RIOK3: variants seen among roughly 807,000 people sequenced by gnomAD.
The protein encoded by RIOK3 is serine/threonine-protein kinase RIO3.
Under a neutral mutation model 63.5 loss-of-function variants are expected in RIOK3, and 40 were observed. The ratio of observed to expected loss-of-function variants is 0.63; its 90% CI spans 0.49 to 0.82. RIOK3 has a LOEUF of 0.82. Ranked by LOEUF, RIOK3 falls within the 40% of genes least tolerant of loss-of-function variation. The probability of loss-of-function intolerance (pLI) is 0.00; values close to 1 mark genes in which losing one functional copy is unlikely to be tolerated. For synonymous variants in RIOK3, 193 were observed against 205.0 expected (o/e 0.94, Z 0.50); for missense variants, 557 against 637.0 (o/e 0.87, Z 1.35).
At position 23,473,506 on chromosome 18, in the gene RIOK3, A is replaced by G; in HGVS notation, c.893A>G (p.Glu298Gly). The G allele has an allele frequency of 6.2e-7, 1 of 1,612,242 alleles. No individual in the cohort carries two copies. Among genetic ancestry groups the G allele is most frequent in the Non-Finnish European group, 8.5e-7 (1 of 1,178,460 alleles). Reference sequence around the variant, plus strand: ...AAGGTATTTAAAACAACCCTTAATGAATTTAAGAATCGTGACAAATATATT... The same window carrying G: ...AAGGTATTTAAAACAACCCTTAATGGATTTAAGAATCGTGACAAATATATT... ...AIKVFKTTLN[E>G]FKNRDKYIKD... is the part of the protein sequence containing the mutation. Residue 298 changes from glutamate to glycine, a missense_variant, in exon 8 of 13, where the codon GAA becomes GGA. By Grantham distance (98) the Glu-to-Gly change is moderately conservative (BLOSUM62 -2). Around this residue, in one of 3 missense-constraint regions of RIOK3, gnomAD observed 309 missense variants for 338.7 expected, o/e 0.91. Coordinates refer to ENST00000339486, the MANE Select transcript of RIOK3 (RefSeq NM_003831.5).
chr18:23,464,507 A>T lies in RIOK3; in HGVS notation c.434-12A>T, dbSNP rs1019402233. 1 of 1,557,410 alleles carries T rather than the reference A, an allele frequency of 6.4e-7. No homozygotes were observed. Among genetic ancestry groups the T allele is most frequent in the Non-Finnish European group, 8.7e-7 (1 of 1,144,170 alleles). On this transcript the variant is annotated splice_polypyrimidine_tract_variant and intron_variant, in intron 4 of 12. Transcript: ENST00000339486. ...TATTTTTATATACCTGGCTTATTTC[A>T]ATTGCCTTTAGCAAAACCGGTTCCC...
Position 23,453,317 on chromosome 18 carries a change from C to T in RIOK3, c.-123C>T, listed in dbSNP as rs997366503. Reference sequence around the variant, plus strand: ...CGGACGCGGCCGCCGCCGTCGCCGCCATCTGTCACCTCCACTCCGGCATCA... The same window carrying T: ...CGGACGCGGCCGCCGCCGTCGCCGCTATCTGTCACCTCCACTCCGGCATCA... On this transcript the variant is annotated 5_prime_UTR_variant, in exon 1 of 13. Coordinates refer to ENST00000339486, the MANE Select transcript of RIOK3 (RefSeq NM_003831.5). 5.0e-6 allele frequency: 4 copies of T among 804,222 alleles called. No homozygotes were observed. Among genetic ancestry groups the T allele is most frequent in the Non-Finnish European group, 8.5e-6 (4 of 469,326 alleles). The allele number at this position is 804,222 out of a possible 1,614,324, so 49.8% of individuals were successfully genotyped here.
In RIOK3 at chr18:23,471,541, G is replaced by A. The variant is rs115389517; in HGVS notation, c.816-1888G>A. ...TGATTCTTATTTTCAAAAGATTGCT[G>A]TGTGGAAAATGAATTATAGGAGGAG... On this transcript the variant is annotated intron_variant, in intron 7 of 12. Coordinates refer to ENST00000339486, the MANE Select transcript of RIOK3 (RefSeq NM_003831.5). Among the ~76,000 whole-genome samples, 1,519 of 152,310 alleles carry A rather than the reference G, an allele frequency of 1.0e-2. 18 individuals are homozygous for A. Among genetic ancestry groups the A allele is most frequent in the African/African-American group, 0.035 (1,452 of 41,566 alleles).
intron 1 of RIOK3, among the ~76,000 whole-genome samples, chr18:23,458,531 T>C (rs1191211712): frequency 1.3e-5 from 2 of 152,228 alleles, no homozygotes; most frequent in Non-Finnish European, 2.9e-5. Context: ...GAAAGGATTG[T>C]ATGGGGTGTC....
At position 23,467,443 on chromosome 18, in the gene RIOK3, G is replaced by A. The variant is rs1177150586; in HGVS notation, c.732G>A (p.Met244Ile). 6.2e-7 allele frequency: 1 copy of A among 1,612,830 alleles called. No homozygotes were observed. The highest frequency in any genetic ancestry group is 1.3e-5 in the African/African-American group (1 of 74,876). Residue 244 changes from methionine to isoleucine, a missense_variant, in exon 7 of 13, where the codon ATG becomes ATA. Coordinates refer to ENST00000339486, the MANE Select transcript of RIOK3 (RefSeq NM_003831.5). The stretch of plus-strand genomic sequence containing the variant: ...AGACACGTTTACTTATGTATAAAAT[G>A]GTCAACTCTGGAATGTTGGAGACAA... ...DPKTRLLMYK[M>I]VNSGMLETIT...
At chr18:23,474,494 AAC>A (rs1338789168) in intron 8 of RIOK3, among the ~76,000 whole-genome samples, 1 of 152,158 alleles carries the variant, frequency 6.6e-6, no homozygotes, top group East Asian at 1.9e-4. Context: ...AAAATTCTTC[AAC>A]AGTTTTCCAT....
chr18:23,453,815 G>A (rs993752066), intron 1 of RIOK3, among the ~76,000 whole-genome samples: 1 of 152,196 alleles, frequency 6.6e-6, no homozygotes, highest in Non-Finnish European at 1.5e-5. Context: ...ATACTGGAGG[G>A]GAAACAAGCA....
chr18:23,475,941 C>CTTTT (rs374984418), intron 9 of RIOK3, among the ~76,000 whole-genome samples: 5 of 80,036 alleles, frequency 6.2e-5, no homozygotes, highest in African/African-American at 1.9e-4. Flanking sequence ...TTTTTTGGGG[C>CTTTT]TTTTTTTTTT....
chr18:23,472,209 G>T (rs968698086), intron 7 of RIOK3, among the ~76,000 whole-genome samples: 3 of 151,346 alleles, frequency 2.0e-5, no homozygotes, highest in Non-Finnish European at 2.9e-5. Context: ...CTCCAGCCTG[G>T]GTGACAAAGT....
chr18:23,465,628 G>T (rs2057401675), intron 5 of RIOK3, among the ~76,000 whole-genome samples: 1 of 151,888 alleles, frequency 6.6e-6, no homozygotes, highest in Admixed American at 6.6e-5. Context: ...AATTTGGGTG[G>T]TATAATAGAG....
Position 23,462,991 on chromosome 18 carries a change from A to G in RIOK3, c.91A>G (p.Ile31Val), listed in dbSNP as rs770658209. ...TCCATGGGCTATTCCTCAAAATACA[A>G]TATCTTGTTCTTTGGCTGATGTAAT... Reference protein sequence around the residue: ...KCPWAIPQNTISCSLADVMSE... With the variant: ...KCPWAIPQNTVSCSLADVMSE... Residue 31 changes from isoleucine (I) to valine (V), a missense_variant, in exon 2 of 13, where the codon ATA becomes GTA. By Grantham distance (29) the Ile-to-Val change is conservative. This residue lies in a region of RIOK3 where 243 missense variants were observed against 275.4 expected (regional missense o/e 0.88). Coordinates refer to ENST00000339486, the MANE Select transcript of RIOK3 (RefSeq NM_003831.5). The G allele has an allele frequency of 8.1e-6, 13 of 1,597,240 alleles. No homozygotes were observed. The South Asian group carries it at 1.2e-4, about 15-fold the overall frequency.
At chr18:23,463,245 A>G in intron 2 of RIOK3, 166 bp downstream of exon 2, 1 of 523,276 alleles carries the variant, frequency 1.9e-6, no homozygotes, top group Non-Finnish European at 3.4e-6. Flanking sequence ...ATTGGTTTTC[A>G]TTATTATCTT....
In RIOK3 at chr18:23,475,005, A is replaced by C. The variant is rs761053507; in HGVS notation, c.1071A>C (p.Leu357Phe). Reference protein sequence around the residue: ...PTVVLLKKHILVMSFIGHDQV... With the variant: ...PTVVLLKKHIFVMSFIGHDQV... ...TTGTACTACTGAAGAAACACATTTT[A>C]GTTATGTCTTTTATTGGCCATGATC... is the stretch of plus-strand genomic sequence containing the variant. The change falls in exon 9 of 13, where the codon TTA (leucine) becomes TTC (phenylalanine). Residue 357 changes from leucine (L) to phenylalanine (F), a missense_variant. Leu to Phe is a conservative substitution (Grantham distance 22). Around this residue, in one of 3 missense-constraint regions of RIOK3, gnomAD observed 309 missense variants for 338.7 expected, o/e 0.91. Transcript: ENST00000339486. 6.2e-7 allele frequency: 1 copy of C among 1,611,540 alleles called. No homozygotes were observed. The highest frequency in any genetic ancestry group is 1.3e-5 in the African/African-American group (1 of 75,006).
intron 1 of RIOK3, among the ~76,000 whole-genome samples, chr18:23,459,312 G>A (rs151126479): frequency 5.8e-4 from 88 of 152,314 alleles, no homozygotes; most frequent in African/African-American, 2.0e-3. Flanking sequence ...GTAGAAAGGC[G>A]TCAGACCTCT....
chr18:23,467,375 C>T (rs772042618), intron 6 of RIOK3, 24 bp from the exon 7 acceptor site: 18 of 1,593,528 alleles, frequency 1.1e-5, no homozygotes, highest in Non-Finnish European at 1.5e-5. Context: ...GTCATTTTCA[C>T]TTACAGTGCT....
intron 11 of RIOK3, among the ~76,000 whole-genome samples, chr18:23,478,489 G>T (rs1458474358): frequency 6.6e-6 from 1 of 151,858 alleles, no homozygotes; most frequent in Non-Finnish European, 1.5e-5. Flanking sequence ...TTACTAGGGA[G>T]GCTGAGGCAG....
chr18:23,458,385 C>G (rs2057354155), intron 1 of RIOK3, among the ~76,000 whole-genome samples: 1 of 152,058 alleles, frequency 6.6e-6, no homozygotes, highest in African/African-American at 2.4e-5. Context: ...CCCCAAGGAA[C>G]AGAGTTCAGT....
Position 23,481,449 on chromosome 18 carries a change from A to ATCT in RIOK3, c.*171_*172insCTT. 1 of 504,508 alleles carries ATCT rather than the reference A, an allele frequency of 2.0e-6. No individual in the cohort carries two copies. The allele number at this position is 504,508 out of a possible 1,614,324, so 31.3% of individuals were successfully genotyped here. ...AGATGTGTGGAATTTTTAGCTCAGC[A>ATCT]TTGAGAGAATAAAATGTCACTACCT... On this transcript the variant is annotated 3_prime_UTR_variant, in exon 13 of 13. Transcript: ENST00000339486.
intron 1 of RIOK3, among the ~76,000 whole-genome samples, chr18:23,457,163 C>T (rs2057346409): frequency 6.6e-6 from 1 of 152,094 alleles, no homozygotes; most frequent in South Asian, 2.1e-4. Flanking sequence ...GTTGGGGATC[C>T]TTCTCCTAGA....
Sources: gnomAD v4.1 joint callset for allele counts (sites outside exome capture counted in the v4.1 genomes callset) on GRCh38, gnomAD v4.1.1 for gene constraint, gnomAD v4.1.1 regional missense constraint, MANE v1.5 for transcripts, NCBI Gene and HGNC (gene_info 2026-07-23, HGNC 2026-07-21) for gene names.